The following DNM1 variants were observed in gnomAD, a reference collection of about 807,000 sequenced individuals.
DNM1 encodes the protein dynamin-1.
Under a neutral mutation model 104.6 loss-of-function variants are expected in DNM1, and 29 were observed. The ratio of observed to expected loss-of-function variants is 0.28; its 90% CI spans 0.21 to 0.38. The LOEUF (loss-of-function observed/expected upper bound fraction) is 0.38, where lower values mean the gene tolerates loss of function less well. DNM1 is among the 10% of genes least tolerant of loss of function. The pLI is 1.00. For missense variants in DNM1, 640 were observed against 1,189.4 expected (o/e 0.54, Z 6.79); for synonymous variants, 445 against 475.8 (o/e 0.94, Z 0.84).
Position 128,254,571 on chromosome 9 carries a change from CCGGCCGTGTG to C in DNM1, c.2535-81_2535-72del. 1 of 1,588,996 alleles carries C rather than the reference CCGGCCGTGTG, an allele frequency of 6.3e-7. No homozygotes were observed. The highest frequency in any genetic ancestry group is 8.5e-7 in the Non-Finnish European group (1 of 1,174,462). On this transcript the variant is annotated intron_variant, in intron 21 of 21. Transcript: ENST00000372923. This position sits in a 1 kb window ranked among gnomAD's most constrained non-coding sequence, Gnocchi z 6.1. ...CACCACTGCTGCGGCGCGGCCGGCC[CCGGCCGTGTG>C]CTGCGCTTGCCTTACCAGCTCTCTC... is the stretch of plus-strand genomic sequence containing the variant.
chr9:128,244,939 C>G, intron 15 of DNM1: 1 of 320,708 alleles, frequency 3.1e-6, no homozygotes, highest in Non-Finnish European at 6.8e-6. Flanking sequence ...CCAGACCAGC[C>G]AGCCCGTGGT....
chr9:128,234,119 A>G lies in DNM1; in HGVS notation c.1422+12A>G. The G allele has an allele frequency of 6.5e-7, 1 of 1,528,382 alleles. No individual in the cohort carries two copies. Among genetic ancestry groups the G allele is most frequent in the Non-Finnish European group, 8.8e-7 (1 of 1,133,916 alleles). 94.7% of individuals were successfully genotyped at this position (1,528,382 alleles called of 1,614,324 possible). A position where few individuals can be genotyped will look rare whatever the true frequency, so the allele number is the denominator to read the frequency against. On this transcript the variant is annotated intron_variant, in intron 11 of 21. Transcript: ENST00000372923. ...GCACTAAGGAGCAGGTGAGCCCCGCAGCACCCGGCCTGGCCGCGCCTTCCT... is the reference window on the plus strand; with the variant it reads ...GCACTAAGGAGCAGGTGAGCCCCGCGGCACCCGGCCTGGCCGCGCCTTCCT...
At position 128,248,441 on chromosome 9, in the gene DNM1, G is replaced by T; in HGVS notation, c.1906-142G>T. 1 of 897,158 alleles carries T rather than the reference G, an allele frequency of 1.1e-6. No individual in the cohort carries two copies. The highest frequency in any genetic ancestry group is 1.7e-6 in the Non-Finnish European group (1 of 605,416). The allele number at this position is 897,158 out of a possible 1,614,324, so 55.6% of individuals were successfully genotyped here. On this transcript the variant is annotated intron_variant, in intron 18 of 21. Coordinates refer to ENST00000372923, the MANE Select transcript of DNM1 (RefSeq NM_004408.4). This position sits in a 1 kb window ranked among gnomAD's most constrained non-coding sequence, Gnocchi z 5.6. ...AGGGTCCTGAGAGGCACAGGGATGC[G>T]GAGCCAGGTATGTATTCAGGCCAGT... is the stretch of plus-strand genomic sequence containing the variant.
chr9:128,245,591 C>T lies in DNM1; in HGVS notation c.1672-803C>T, dbSNP rs374926650. Among the ~76,000 whole-genome samples the T allele has an allele frequency of 1.6e-4, 24 of 152,280 alleles. No homozygotes were observed. The highest frequency in any genetic ancestry group is 5.3e-4 in the African/African-American group (22 of 41,542). ...CTGTGCACAGATACACATAACTCCT[C>T]CCAGACAGCTCTAGATAAATCAAAC... On this transcript the variant is annotated intron_variant, in intron 15 of 21. Coordinates refer to ENST00000372923, the MANE Select transcript of DNM1 (RefSeq NM_004408.4). The surrounding 1 kb of genome is among the most constrained non-coding windows in gnomAD (Gnocchi z 5.2).
intron 11 of DNM1, among the ~76,000 whole-genome samples, chr9:128,238,653 C>CTT (rs60034616): frequency 2.8e-5 from 4 of 140,876 alleles, no homozygotes; most frequent in South Asian, 2.3e-4. Flanking sequence ...TTGTGATTTT[C>CTT]TTTTTTTTTT....
Position 128,218,635 on chromosome 9 carries a change from G to A in DNM1, c.289G>A (p.Val97Met). Reference protein sequence around the residue: ...KGKKFTDFEEVRLEIEAETDR... With the variant: ...KGKKFTDFEEMRLEIEAETDR... ...AAAGAAATTCACCGACTTCGAGGAG[G>A]TGCGCCTTGAGATCGAGGCCGAGAC... Residue 97 changes from valine to methionine, a missense_variant, in exon 3 of 22, where the codon GTG becomes ATG. Coordinates refer to ENST00000372923, the MANE Select transcript of DNM1 (RefSeq NM_004408.4). This position sits in a 1 kb window ranked among gnomAD's most constrained non-coding sequence, Gnocchi z 4.8. The A allele has an allele frequency of 1.2e-6, 2 of 1,613,754 alleles. No individual in the cohort carries two copies. The highest frequency in any genetic ancestry group is 1.7e-6 in the Non-Finnish European group (2 of 1,179,754).
At position 128,220,303 on chromosome 9, in the gene DNM1, C is replaced by T. The variant is rs1834865373; in HGVS notation, c.811C>T (p.Arg271Cys). 1.2e-6 allele frequency: 2 copies of T among 1,614,170 alleles called. No homozygotes were observed. Among genetic ancestry groups the T allele is most frequent in the Non-Finnish European group, 8.5e-7 (1 of 1,180,038 alleles). ...SHPSYRHLAD[R>C]MGTPYLQKVL... Reference sequence around the variant, plus strand: ...TCCATCTTATCGCCACTTGGCTGACCGTATGGGCACGCCCTACCTGCAGAA... The same window carrying T: ...TCCATCTTATCGCCACTTGGCTGACTGTATGGGCACGCCCTACCTGCAGAA... Residue 271 changes from arginine to cysteine, a missense_variant, in exon 6 of 22, where the codon CGT becomes TGT. Coordinates refer to ENST00000372923, the MANE Select transcript of DNM1 (RefSeq NM_004408.4). The surrounding 1 kb of genome is among the most constrained non-coding windows in gnomAD (Gnocchi z 5.2).
intron 1 of DNM1, among the ~76,000 whole-genome samples, chr9:128,216,416 T>A (rs1056180358): frequency 6.6e-6 from 1 of 152,176 alleles, no homozygotes. Context: ...AGAGCACAGA[T>A]TCGAGGACTT....
At position 128,224,478 on chromosome 9, in the gene DNM1, C is replaced by T. The variant is rs1004750858; in HGVS notation, c.1335+89C>T. On this transcript the variant is annotated intron_variant, in intron 10 of 21. Transcript: ENST00000372923. This position sits in a 1 kb window ranked among gnomAD's most constrained non-coding sequence, Gnocchi z 4.3. ...TCCTTCCCCATGTCCCCCCCTGCCT[C>T]CTCGGTAGCATGTACAGACCTCAGC... 2 of 1,356,790 alleles carry T rather than the reference C, an allele frequency of 1.5e-6. No homozygotes were observed. Among genetic ancestry groups the T allele is most frequent in the Non-Finnish European group, 2.0e-6 (2 of 982,008 alleles). 84.0% of individuals were successfully genotyped at this position (1,356,790 alleles called of 1,614,324 possible).
rs1400753446 is a variant in DNM1, at chr9:128,222,127, C to T, written c.850-70C>T. The T allele has an allele frequency of 6.5e-7, 1 of 1,545,682 alleles. No individual in the cohort carries two copies. Among genetic ancestry groups the T allele is most frequent in the Non-Finnish European group, 8.8e-7 (1 of 1,141,734 alleles). On this transcript the variant is annotated intron_variant, in intron 6 of 21. Coordinates refer to ENST00000372923, the MANE Select transcript of DNM1 (RefSeq NM_004408.4). This position sits in a 1 kb window ranked among gnomAD's most constrained non-coding sequence, Gnocchi z 7.8. ...CCACCTCACCACGTTCACACAGTCC[C>T]CTGGCATCCAAGTCCCTTCCTGGCC...
At chr9:128,212,276 G>A (rs1834346402) in intron 1 of DNM1, among the ~76,000 whole-genome samples, 2 of 152,216 alleles carry the variant, frequency 1.3e-5, no homozygotes, top group Non-Finnish European at 2.9e-5. Context: ...TTTAGTGGCT[G>A]AGTTGGGGTT....
At chr9:128,229,269 C>T (rs568012385) in intron 10 of DNM1, among the ~76,000 whole-genome samples, 1 of 151,022 alleles carries the variant, frequency 6.6e-6, no homozygotes, top group Non-Finnish European at 1.5e-5. Context: ...GCAGTATGCA[C>T]CTGCAGTCCT....
At chr9:128,233,976 G>A (rs368174327) in intron 10 of DNM1, 45 bp from the exon 11 acceptor site, 43 of 1,529,766 alleles carry the variant, frequency 2.8e-5, no homozygotes, top group East Asian at 4.9e-5. Flanking sequence ...CTCCCTGCCC[G>A]TGCCCTCTGT....
chr9:128,209,494 A>G (rs1834166713), intron 1 of DNM1, among the ~76,000 whole-genome samples: 1 of 152,172 alleles, frequency 6.6e-6, no homozygotes, highest in Admixed American at 6.5e-5. Context: ...ATGTCTATGT[A>G]TTCCAGTTAT....
intron 10 of DNM1, among the ~76,000 whole-genome samples, chr9:128,230,615 T>TG (rs1835626673): frequency 6.6e-6 from 1 of 151,720 alleles, no homozygotes; most frequent in Non-Finnish European, 1.5e-5. Flanking sequence ...CACACCCAGC[T>TG]AATTTTTTGT....
Position 128,239,751 on chromosome 9 carries a change from T to C in DNM1, c.1517T>C (p.Met506Thr). The C allele has an allele frequency of 6.2e-7, 1 of 1,613,620 alleles. No homozygotes were observed. Among genetic ancestry groups the C allele is most frequent in the Non-Finnish European group, 8.5e-7 (1 of 1,179,848 alleles). ...FANAQQRSNQ[M>T]NKKKTSGNQD... ...AGTGCTCAGCAGAGGAGCAACCAGA[T>C]GAACAAGAAGAAGACTTCAGGGAAC... Residue 506 changes from methionine to threonine, a missense_variant, in exon 13 of 22, where the codon ATG (methionine) becomes ACG (threonine). Met to Thr is a moderately conservative substitution (Grantham distance 81). Transcript: ENST00000372923.
chr9:128,214,722 G>A (rs146930109), intron 1 of DNM1, among the ~76,000 whole-genome samples: 11 of 152,238 alleles, frequency 7.2e-5, no homozygotes, highest in African/African-American at 2.7e-4. Flanking sequence ...AGATGGCCAG[G>A]CACAGCCTCC....
Position 128,220,740 on chromosome 9 carries a change from C to CGTGTGGGTGT in DNM1, c.849+400_849+401insTGTGGGTGTG, listed in dbSNP as rs754950978. Among the ~76,000 whole-genome samples, 3 of 125,700 alleles carry CGTGTGGGTGT rather than the reference C, an allele frequency of 2.4e-5. No individual in the cohort carries two copies. In the East Asian group the frequency reaches 9.5e-4, roughly 40 times the overall value. The allele number at this position is 125,700 out of a possible 152,430, so 82.5% of individuals were successfully genotyped here. ...TCCAGAACTGAAGTGCGCGCGCGCG[C>CGTGTGGGTGT]GCGTGTGTGTGTGTGTGTGTGTGTG... On this transcript the variant is annotated intron_variant, in intron 6 of 21. Coordinates refer to ENST00000372923, the MANE Select transcript of DNM1 (RefSeq NM_004408.4). The surrounding 1 kb of genome is among the most constrained non-coding windows in gnomAD (Gnocchi z 5.2).
In DNM1 at chr9:128,224,998, T is replaced by C. The variant is rs1835255898; in HGVS notation, c.1335+609T>C. ...TCTGGCTTTCCAGGGATAGAGCCCT[T>C]CTCCCATCTGCCCCACCATCCAAGC... is the stretch of plus-strand genomic sequence containing the variant. On this transcript the variant is annotated intron_variant, in intron 10 of 21. Transcript: ENST00000372923. This position sits in a 1 kb window ranked among gnomAD's most constrained non-coding sequence, Gnocchi z 4.3. Among the ~76,000 whole-genome samples, 1 of 151,898 alleles carries C rather than the reference T, an allele frequency of 6.6e-6. No homozygotes were observed. Among genetic ancestry groups the C allele is most frequent in the Non-Finnish European group, 1.5e-5 (1 of 67,980 alleles).
Sources: gnomAD v4.1 joint callset for allele counts (sites outside exome capture counted in the v4.1 genomes callset) on GRCh38, gnomAD v4.1.1 for gene constraint, Gnocchi (gnomAD v3.1) non-coding constraint, MANE v1.5 for transcripts, NCBI Gene and HGNC (gene_info 2026-07-23, HGNC 2026-07-21) for gene names.